Variants in IPO4 observed in about 807,000 individuals in gnomAD.
The protein encoded by IPO4 is importin-4.
In IPO4, 91 loss-of-function variants were observed where a neutral mutation model predicts 133.5. The observed-to-expected ratio is 0.68, with a 90% confidence interval of 0.58 to 0.81. The LOEUF is 0.81. IPO4 is among the 30% of genes least tolerant of loss of function. The pLI is 0.00. For synonymous variants in IPO4, 607 were observed against 581.6 expected (o/e 1.04, Z -0.63); for missense variants, 1,279 against 1,386.2 (o/e 0.92, Z 1.23).
intron 6 of IPO4, 41 bp downstream of exon 6, chr14:24,187,359 T>C (rs949186969): frequency 1.9e-6 from 3 of 1,601,132 alleles, no homozygotes; most frequent in African/African-American, 1.3e-5. Context: ...CATGAAGGCA[T>C]GAGGAAAGGG....
intron 12 of IPO4, 89 bp downstream of exon 12, chr14:24,185,772 G>A: frequency 4.5e-6 from 5 of 1,100,192 alleles, no homozygotes; most frequent in Non-Finnish European, 6.9e-6. Flanking sequence ...AAACGCTGTT[G>A]ATAAATAAGC....
intron 4 of IPO4, 83 bp downstream of exon 4, chr14:24,188,133 C>T (rs2039252621): frequency 7.0e-7 from 1 of 1,426,502 alleles, no homozygotes; most frequent in Non-Finnish European, 9.7e-7. Flanking sequence ...CCCTGCCCCA[C>T]AAGTCCCAGC....
chr14:24,183,234 C>T lies in IPO4; in HGVS notation c.2227+16G>A, dbSNP rs557348319. 7 of 1,612,396 alleles carry T rather than the reference C, an allele frequency of 4.3e-6. No homozygotes were observed. Among genetic ancestry groups the T allele is most frequent in the Non-Finnish European group, 5.1e-6 (6 of 1,179,002 alleles). On this transcript the variant is annotated intron_variant, in intron 22 of 29. Coordinates refer to ENST00000354464, the MANE Select transcript of IPO4 (RefSeq NM_024658.4). ...CCCTCCCCAAGAACCCCCAGCCTGGCCCAGCCTCTCCTCACCAGCAGTGTT... is the reference window on the plus strand; with the variant it reads ...CCCTCCCCAAGAACCCCCAGCCTGGTCCAGCCTCTCCTCACCAGCAGTGTT...
In IPO4 at chr14:24,180,575, G is replaced by A; in HGVS notation, c.3116-3C>T. 6.2e-7 allele frequency: 1 copy of A among 1,613,448 alleles called. No homozygotes were observed. On this transcript the variant is annotated splice_region_variant and splice_polypyrimidine_tract_variant and intron_variant, in intron 29 of 29. Coordinates refer to ENST00000354464, the MANE Select transcript of IPO4 (RefSeq NM_024658.4). ...CAGCAACAGTGCGGCCTTGGTGTCT[G>A]GGTGGAGAGGGAGGGAGAAAGGTCG...
At chr14:24,183,223 C>CCCCAGCCTGG in intron 22 of IPO4, 27 bp downstream of exon 22, 1 of 1,612,264 alleles carries the variant, frequency 6.2e-7, no homozygotes, top group Non-Finnish European at 8.5e-7. Context: ...CCCCAAGAAC[C>CCCCAGCCTGG]CCCAGCCTGG....
intron 9 of IPO4, 91 bp from the exon 10 acceptor site, chr14:24,186,542 C>T (rs527254468): frequency 4.1e-6 from 6 of 1,473,162 alleles, no homozygotes; most frequent in Admixed American, 4.2e-5. Context: ...CATAAGGGGT[C>T]TGACAGAAAA....
In IPO4 at chr14:24,182,997, G is replaced by A. The variant is rs1282024544; in HGVS notation, c.2400C>T (p.Leu800=). ...TCACCTTCCTCTGCAGCACAGCCTTGAGCACGCCACAGAGCTCAGCGAGGC... is the reference window on the plus strand; with the variant it reads ...TCACCTTCCTCTGCAGCACAGCCTTAAGCACGCCACAGAGCTCAGCGAGGC... ...PGRLAELCGV[L]KAVLQRKTAC... Residue 800 remains leucine (L), a synonymous_variant, in exon 23 of 30, where the codon CTC becomes CTT. Transcript: ENST00000354464. 5.0e-6 allele frequency: 8 copies of A among 1,613,576 alleles called. 1 individual carries two copies. In the South Asian group the frequency reaches 7.7e-5, roughly 16 times the overall value.
rs772011651 is a variant in IPO4 at position 24,186,385 on chromosome 14, G to T, written c.907C>A (p.Pro303Thr). The T allele has an allele frequency of 5.6e-6, 9 of 1,612,634 alleles. No individual in the cohort carries two copies. In the African/African-American group the frequency reaches 6.7e-5, roughly 12 times the overall value. The change falls in exon 10 of 30, where the codon CCC becomes ACC. Residue 303 changes from proline to threonine, a missense_variant. By Grantham distance (38) the Pro-to-Thr change is conservative. Transcript: ENST00000354464. Reference protein sequence around the residue: ...HTLFPIVAAEPPPGQLDPEDQ... With the variant: ...HTLFPIVAAETPPGQLDPEDQ... ...TCGGGATCCAACTGGCCTGGTGGGG[G>T]CTCAGCAGCCACAATGGGGAAAAGG...
At chr14:24,187,268 C>T (rs2039236978) in intron 6 of IPO4, 118 bp from the exon 7 acceptor site, 2 of 1,455,912 alleles carry the variant, frequency 1.4e-6, no homozygotes, top group East Asian at 2.3e-5. Context: ...GGCCCACCTA[C>T]AGCATCCCCT....
rs754973747 is a variant in IPO4 at position 24,186,337 on chromosome 14, C to T, written c.955G>A (p.Glu319Lys). Reference protein sequence around the residue: ...DPEDQDSEEEELEIELMGETP... With the variant: ...DPEDQDSEEEKLEIELMGETP... ...TCCCCCATCAGCTCAATCTCCAACT[C>T]TTCCTCTTCTGAATCCTGGTCCTCG... Residue 319 changes from glutamate to lysine, a missense_variant, in exon 10 of 30, where the codon GAG becomes AAG. Glu to Lys is a moderately conservative substitution (Grantham distance 56). Transcript: ENST00000354464. The T allele has an allele frequency of 5.0e-6, 8 of 1,612,934 alleles. No individual in the cohort carries two copies. In the Admixed American group the frequency reaches 1.0e-4, roughly 20 times the overall value.
intron 15 of IPO4, 36 bp from the exon 16 acceptor site, chr14:24,184,799 G>C: frequency 1.9e-6 from 3 of 1,602,592 alleles, no homozygotes; most frequent in Non-Finnish European, 2.6e-6. Context: ...AGCTGGAGAG[G>C]GCAGGGACCA....
At position 24,182,005 on chromosome 14, in the gene IPO4, G is replaced by A. The variant is rs928972988; in HGVS notation, c.2757C>T (p.Ala919=). The A allele has an allele frequency of 1.2e-6, 2 of 1,612,930 alleles. No individual in the cohort carries two copies. Among genetic ancestry groups the A allele is most frequent in the African/African-American group, 2.7e-5 (2 of 74,934 alleles). The change falls in exon 26 of 30, where the codon GCC becomes GCT. Residue 919 remains alanine, a synonymous_variant. Coordinates refer to ENST00000354464, the MANE Select transcript of IPO4 (RefSeq NM_024658.4). ...CTGCCAGCACGCCCATCCCGAAGAT[G>A]GCATTGCTTCGCACCTCGGGGTCTG... ...QEADPEVRSN[A]IFGMGVLAEH...
Position 24,183,179 on chromosome 14 carries a change from T to C in IPO4, c.2228-10A>G, listed in dbSNP as rs1256318514. The C allele has an allele frequency of 3.1e-6, 5 of 1,610,038 alleles. No homozygotes were observed. Among genetic ancestry groups the C allele is most frequent in the Middle Eastern group, 1.6e-4 (1 of 6,072 alleles). Reference sequence around the variant, plus strand: ...AGGGCAGCCTGCAAAGCTGGGGACATTATTGGCTGAAGCACCAGTCAGGCC... The same window carrying C: ...AGGGCAGCCTGCAAAGCTGGGGACACTATTGGCTGAAGCACCAGTCAGGCC... On this transcript the variant is annotated splice_polypyrimidine_tract_variant and intron_variant, in intron 22 of 29. Transcript: ENST00000354464.
At position 24,184,094 on chromosome 14, in the gene IPO4, T is replaced by G. The variant is rs2039182982; in HGVS notation, c.1773A>C (p.Ala591=). ...DLRRCTYSLF[A]ALSGLMGEGL... ...CCTCACCCATCAGACCCGATAAGGC[T>G]GCAAATAGGCTGTACCTGGTCAAAG... is the stretch of plus-strand genomic sequence containing the variant. Residue 591 remains alanine, a synonymous_variant, in exon 18 of 30, where the codon GCA becomes GCC. Transcript: ENST00000354464. 1 of 1,612,224 alleles carries G rather than the reference T, an allele frequency of 6.2e-7. No individual in the cohort carries two copies. Among genetic ancestry groups the G allele is most frequent in the Non-Finnish European group, 8.5e-7 (1 of 1,179,752 alleles).
At position 24,185,780 on chromosome 14, in the gene IPO4, A is replaced by C; in HGVS notation, c.1169+81T>G. ...TGGGGGGAAACGCTGTTGATAAATA[A>C]GCTTGAACAACAAGCGTAAACCAGG... is the stretch of plus-strand genomic sequence containing the variant. On this transcript the variant is annotated intron_variant, in intron 12 of 29. Transcript: ENST00000354464. 3 of 1,142,862 alleles carry C rather than the reference A, an allele frequency of 2.6e-6. No homozygotes were observed. In the South Asian group the frequency reaches 3.7e-5, roughly 14 times the overall value. 70.8% of individuals were successfully genotyped at this position (1,142,862 alleles called of 1,614,324 possible). A position where few individuals can be genotyped will look rare whatever the true frequency, so the allele number is the denominator to read the frequency against.
intron 21 of IPO4, 25 bp from the exon 22 acceptor site, chr14:24,183,380 A>G (rs779692094): frequency 6.3e-7 from 1 of 1,595,906 alleles, no homozygotes; most frequent in Non-Finnish European, 8.5e-7. Context: ...GGGGCGGGAT[A>G]TGTCTGCTAT....
chr14:24,186,579 G>T, intron 9 of IPO4, 128 bp from the exon 10 acceptor site: 2 of 1,356,562 alleles, frequency 1.5e-6, no homozygotes, highest in Non-Finnish European at 1.0e-6. Context: ...CAGGAGCTGG[G>T]GTGAGGCCAG....
chr14:24,188,743 T>G lies in IPO4; in HGVS notation c.45A>C (p.Leu15=). ...GLEQLLRELL[L]PDTERIRRAT... is the part of the protein sequence containing the mutation. ...CCCGACGGATGCGCTCGGTGTCCGG[T>G]AGCAGCAGCTCCCGTAGGAGCTGCT... Residue 15 remains leucine, a synonymous_variant, in exon 1 of 30, where the codon CTA becomes CTC. Coordinates refer to ENST00000354464, the MANE Select transcript of IPO4 (RefSeq NM_024658.4). 6.5e-7 allele frequency: 1 copy of G among 1,547,860 alleles called. No homozygotes were observed. Among genetic ancestry groups the G allele is most frequent in the Non-Finnish European group, 8.7e-7 (1 of 1,145,792 alleles).
chr14:24,182,717 A>C (rs2039159797), intron 24 of IPO4, 75 bp downstream of exon 24: 1 of 1,560,026 alleles, frequency 6.4e-7, no homozygotes, highest in Admixed American at 1.7e-5. Context: ...GGCCAAGCCC[A>C]AATACACTGT....
Sources: allele counts gnomAD v4.1 joint callset, GRCh38; gene constraint gnomAD v4.1.1; transcripts MANE v1.5; gene names NCBI Gene and HGNC (gene_info 2026-07-23, HGNC 2026-07-21).